GRID2: variants seen among roughly 807,000 people sequenced by gnomAD.
The protein encoded by GRID2 is glutamate receptor ionotropic, delta-2.
A neutral mutation model predicts 114.8 loss-of-function variants in GRID2; 33 were observed. The ratio of observed to expected loss-of-function variants is 0.29; its 90% CI spans 0.22 to 0.38. The LOEUF is 0.38. Among genes scored for constraint, GRID2 ranks in the 10% least tolerant of loss-of-function variants. The pLI, the probability that GRID2 is intolerant of heterozygous loss-of-function variation, is 1.00. For missense variants in GRID2, 1,184 were observed against 1,257.7 expected, an observed-to-expected ratio of 0.94 and a Z score of 0.89; for synonymous variants, 505 against 449.9, an observed-to-expected ratio of 1.12 and a Z score of -1.55.
intron 2 of GRID2, among the ~76,000 whole-genome samples, chr4:92,619,761 G>T (rs1730176854): frequency 6.7e-6 from 1 of 149,802 alleles, no homozygotes; most frequent in African/African-American, 2.4e-5. Flanking sequence ...TTTCCAATTT[G>T]TTGTATGTCT....
At chr4:93,349,242 A>G (rs2149258182) in intron 8 of GRID2, among the ~76,000 whole-genome samples, 1 of 152,258 alleles carries the variant, frequency 6.6e-6, no homozygotes, top group African/African-American at 2.4e-5. Flanking sequence ...CTCACACAGG[A>G]GAAATGAAAG....
At chr4:92,497,972 T>G (rs1177678420) in intron 1 of GRID2, among the ~76,000 whole-genome samples, 1 of 151,856 alleles carries the variant, frequency 6.6e-6, no homozygotes, top group Non-Finnish European at 1.5e-5. Flanking sequence ...ACATTCACTA[T>G]GTACTAAAAT....
intron 13 of GRID2, among the ~76,000 whole-genome samples, chr4:93,531,926 C>T (rs1329601706): frequency 6.6e-6 from 1 of 151,996 alleles, no homozygotes; most frequent in Non-Finnish European, 1.5e-5. Flanking sequence ...ACCTGTTAAT[C>T]TCTGACAATT....
intron 2 of GRID2, among the ~76,000 whole-genome samples, chr4:93,078,165 A>G (rs1729503021): frequency 6.6e-6 from 1 of 152,092 alleles, no homozygotes; most frequent in South Asian, 2.1e-4. Flanking sequence ...GGATCTTTGC[A>G]CATTCTATTT....
chr4:92,880,753 T>G (rs1305243253), intron 2 of GRID2, among the ~76,000 whole-genome samples: 2 of 152,154 alleles, frequency 1.3e-5, no homozygotes, highest in Non-Finnish European at 1.5e-5. Context: ...ATAATTTTGC[T>G]CTTTTCTGCC....
chr4:93,344,331 A>T (rs1314316870), intron 8 of GRID2, among the ~76,000 whole-genome samples: 3 of 152,036 alleles, frequency 2.0e-5, no homozygotes, highest in African/African-American at 7.2e-5. Context: ...AAACCATAGC[A>T]TAATTAAGCA....
chr4:93,799,435 C>A (rs62320668), intron 1 of GRID2, among the ~76,000 whole-genome samples: 1 of 150,158 alleles, frequency 6.7e-6, no homozygotes, highest in Non-Finnish European at 1.5e-5. Flanking sequence ...AGAACTGCAG[C>A]CCCTTTTTTT....
intron 1 of GRID2, among the ~76,000 whole-genome samples, chr4:93,798,136 G>A (rs531417284): frequency 2.6e-4 from 39 of 152,148 alleles, no homozygotes; most frequent in Non-Finnish European, 1.9e-4. Context: ...CTGGGCGACA[G>A]GAGTGAAATT....
intron 2 of GRID2, among the ~76,000 whole-genome samples, chr4:93,003,364 T>C (rs1389862183): frequency 2.6e-5 from 4 of 151,930 alleles, no homozygotes; most frequent in Non-Finnish European, 5.9e-5. Flanking sequence ...TTTTGATTTC[T>C]TTAACATATT....
intron 2 of GRID2, among the ~76,000 whole-genome samples, chr4:93,001,165 A>T (rs560275986): frequency 6.6e-6 from 1 of 151,642 alleles, no homozygotes; most frequent in Non-Finnish European, 1.5e-5. Context: ...TTTCCTCCCT[A>T]TATTCAGCAT....
chr4:93,443,448 G>T (rs1446383002), intron 10 of GRID2, among the ~76,000 whole-genome samples: 1 of 151,872 alleles, frequency 6.6e-6, no homozygotes, highest in East Asian at 1.9e-4. Flanking sequence ...ATAAATACTG[G>T]GGAAGTAATT....
chr4:92,685,318 C>A (rs1387403434), intron 2 of GRID2, among the ~76,000 whole-genome samples: 5 of 151,740 alleles, frequency 3.3e-5, no homozygotes, highest in Non-Finnish European at 7.4e-5. Context: ...ATTTCCCGTG[C>A]CCAGGTAAGG....
intron 8 of GRID2, among the ~76,000 whole-genome samples, chr4:93,329,792 T>C (rs766109047): frequency 5.9e-5 from 9 of 152,008 alleles, no homozygotes; most frequent in Non-Finnish European, 1.3e-4. Context: ...ACTATGCAAA[T>C]ATCTTGGCAA....
At chr4:92,570,323 T>G (rs1036163374) in intron 1 of GRID2, among the ~76,000 whole-genome samples, 2 of 152,172 alleles carry the variant, frequency 1.3e-5, no homozygotes, top group Non-Finnish European at 2.9e-5. Flanking sequence ...ATGTGTCTGT[T>G]TCTATACCAG....
chr4:92,407,181 C>A (rs1731070798), intron 1 of GRID2, among the ~76,000 whole-genome samples: 1 of 152,120 alleles, frequency 6.6e-6, no homozygotes, highest in Non-Finnish European at 1.5e-5. Context: ...AAACTGCCCC[C>A]ATAATCCGAA....
chr4:92,434,941 G>A (rs1732661737), intron 1 of GRID2, among the ~76,000 whole-genome samples: 2 of 152,058 alleles, frequency 1.3e-5, no homozygotes, highest in Non-Finnish European at 2.9e-5. Context: ...TTGATCACAT[G>A]GGAATGGAAT....
chr4:92,705,108 G>A (rs1579879911), intron 2 of GRID2, among the ~76,000 whole-genome samples: 1 of 152,114 alleles, frequency 6.6e-6, no homozygotes, highest in Non-Finnish European at 1.5e-5. Context: ...CAAGGCCTAT[G>A]CAGTTATATG....
At chr4:93,542,878 T>A (rs1173262349) in intron 13 of GRID2, among the ~76,000 whole-genome samples, 3 of 152,188 alleles carry the variant, frequency 2.0e-5, no homozygotes, top group Non-Finnish European at 4.4e-5. Context: ...CTAGAAGCAG[T>A]GATCTTAACC....
intron 10 of GRID2, among the ~76,000 whole-genome samples, 165 bp from the exon 11 acceptor site, chr4:93,455,497 C>T (rs1395070570): frequency 6.6e-6 from 1 of 152,092 alleles, no homozygotes; most frequent in Non-Finnish European, 1.5e-5. Context: ...ATGCAAAATT[C>T]ACACATAGCT....
Sources: allele counts gnomAD v4.1 joint callset (sites outside exome capture counted in the v4.1 genomes callset), GRCh38; gene constraint gnomAD v4.1.1; transcripts MANE v1.5; gene names NCBI Gene and HGNC (gene_info 2026-07-23, HGNC 2026-07-21).